PBX1: variants seen among roughly 807,000 people sequenced by gnomAD.
PBX1 encodes PBX homeobox 1, also known as pre-B-cell leukemia transcription factor 1.
In PBX1, 6 loss-of-function variants were observed where a neutral mutation model predicts 53.4. The ratio of observed to expected loss-of-function variants is 0.11; its 90% CI spans 0.06 to 0.22. The LOEUF is 0.22. PBX1 is among the 10% of genes least tolerant of loss of function. The pLI, the probability that PBX1 is intolerant of heterozygous loss-of-function variation, is 1.00. For synonymous variants in PBX1, 204 were observed against 212.3 expected (o/e 0.96, Z 0.34); for missense variants, 251 against 551.4 (o/e 0.46, Z 5.46).
Position 164,742,476 on chromosome 1 carries a change from AG to A in PBX1, c.266-50016del, listed in dbSNP as rs568803680. Among the ~76,000 whole-genome samples, 8 of 152,336 alleles carry A rather than the reference AG, an allele frequency of 5.3e-5. No individual in the cohort carries two copies. The East Asian group carries it at 1.5e-3, about 29-fold the overall frequency. On this transcript the variant is annotated intron_variant, in intron 2 of 8. Coordinates refer to ENST00000420696, the MANE Select transcript of PBX1 (RefSeq NM_002585.4). ...AGAATTGCTTGAACCTGGGAGGCAAAGGTTGCAGTGAGCCAAAATCATGCCA... is the reference window on the plus strand; with the variant it reads ...AGAATTGCTTGAACCTGGGAGGCAAAGTTGCAGTGAGCCAAAATCATGCCA...
chr1:164,750,960 A>C (rs180978469), intron 2 of PBX1, among the ~76,000 whole-genome samples: 67 of 152,270 alleles, frequency 4.4e-4, no homozygotes, highest in African/African-American at 1.6e-3. Context: ...AATAGGGTCT[A>C]GGGATCCCCA....
rs540387397 is a variant in PBX1 at position 164,747,785 on chromosome 1, G to C, written c.266-44709G>C. Among the ~76,000 whole-genome samples, 4 of 152,224 alleles carry C rather than the reference G, an allele frequency of 2.6e-5. No homozygotes were observed. In the East Asian group the frequency reaches 7.7e-4, roughly 29 times the overall value. ...GAGATACTATGATACCAAGGTAGTG[G>C]CTATCTATGCATTCACAGAGGAATT... On this transcript the variant is annotated intron_variant, in intron 2 of 8. Coordinates refer to ENST00000420696, the MANE Select transcript of PBX1 (RefSeq NM_002585.4).
intron 2 of PBX1, among the ~76,000 whole-genome samples, chr1:164,650,625 T>C (rs2101920851): frequency 6.6e-6 from 1 of 152,280 alleles, no homozygotes; most frequent in Non-Finnish European, 1.5e-5. Flanking sequence ...TCCCTAAAAC[T>C]TTCCTTGCCA....
rs369210659 is a variant in PBX1 at position 164,746,891 on chromosome 1, A to G, written c.266-45603A>G. Among the ~76,000 whole-genome samples, 11 of 152,054 alleles carry G rather than the reference A, an allele frequency of 7.2e-5. No homozygotes were observed. The South Asian group carries it at 1.2e-3, about 17-fold the overall frequency. On this transcript the variant is annotated intron_variant, in intron 2 of 8. Coordinates refer to ENST00000420696, the MANE Select transcript of PBX1 (RefSeq NM_002585.4). ...GGCAGAAGAGCTATTACAAGATCCT[A>G]CTCTTCTGATGTAGGGCCATTTGGG...
intron 2 of PBX1, among the ~76,000 whole-genome samples, chr1:164,607,166 A>G (rs1656614773): frequency 6.6e-6 from 1 of 152,144 alleles, no homozygotes. Context: ...CTATTGAAAA[A>G]TCAGAGGACA....
intron 2 of PBX1, among the ~76,000 whole-genome samples, chr1:164,616,167 T>A (rs955794118): frequency 3.3e-5 from 5 of 152,096 alleles, no homozygotes; most frequent in Non-Finnish European, 7.4e-5. Flanking sequence ...TTTCAAATGG[T>A]GGTTCTTCAT....
chr1:164,780,768 T>C (rs1032127493), intron 2 of PBX1, among the ~76,000 whole-genome samples: 2 of 152,172 alleles, frequency 1.3e-5, no homozygotes, highest in Non-Finnish European at 2.9e-5. Context: ...CTAGTGAAGA[T>C]TAAAGGCATA....
In PBX1 at chr1:164,652,845, C is replaced by T. The variant is rs183780353; in HGVS notation, c.265+89534C>T. Among the ~76,000 whole-genome samples the T allele has an allele frequency of 1.9e-4, 29 of 151,722 alleles. 1 individual carries two copies. The highest frequency in any genetic ancestry group is 3.4e-3 in the Middle Eastern group (1 of 294). On this transcript the variant is annotated intron_variant, in intron 2 of 8. Coordinates refer to ENST00000420696, the MANE Select transcript of PBX1 (RefSeq NM_002585.4). ...CTTCTCTTACCACCCGCACCCCCAC[C>T]GCCATAGTTTATTTTTGCCTGTTTA...
intron 2 of PBX1, among the ~76,000 whole-genome samples, chr1:164,882,712 T>C (rs1436321440): frequency 2.0e-5 from 3 of 152,156 alleles, no homozygotes; most frequent in Non-Finnish European, 4.4e-5. Context: ...AATACTGGGA[T>C]TACAGGCATG....
At chr1:164,765,993 G>A (rs915232606) in intron 2 of PBX1, among the ~76,000 whole-genome samples, 12 of 152,146 alleles carry the variant, frequency 7.9e-5, no homozygotes, top group South Asian at 4.1e-4. Context: ...GCCGTTGGGG[G>A]AAAAAAGAAG....
At chr1:164,662,977 A>G (rs1247757739) in intron 2 of PBX1, among the ~76,000 whole-genome samples, 1 of 152,190 alleles carries the variant, frequency 6.6e-6, no homozygotes, top group Non-Finnish European at 1.5e-5. Flanking sequence ...CTAAAATACA[A>G]ATGTTTTGAT....
At chr1:164,756,180 A>T (rs948650587) in intron 2 of PBX1, among the ~76,000 whole-genome samples, 13 of 152,062 alleles carry the variant, frequency 8.5e-5, no homozygotes, top group Admixed American at 2.6e-4. Flanking sequence ...GTAAGCCATC[A>T]TTGTCATATT....
chr1:164,569,594 A>G (rs1192071130), intron 2 of PBX1, among the ~76,000 whole-genome samples: 1 of 53,646 alleles, frequency 1.9e-5, no homozygotes. Context: ...TTTTTTTGTC[A>G]AGAGTCTCAC....
chr1:164,707,418 T>TGTGTGTGTGAGAGAGAGA (rs58617739), intron 2 of PBX1, among the ~76,000 whole-genome samples: 18 of 118,266 alleles, frequency 1.5e-4, no homozygotes, highest in African/African-American at 6.9e-4. Context: ...TGTGTGTGTG[T>TGTGTGTGTGAGAGAGAGA]GAGAGAGAGA....
At chr1:164,670,093 ATGAGGAGT>A (rs80201348) in intron 2 of PBX1, among the ~76,000 whole-genome samples, 17,404 of 152,126 alleles carry the variant, frequency 0.11, 2,138 homozygotes, top group African/African-American at 0.31. Context: ...GGCAGAGTCC[ATGAGGAGT>A]GGGACTCTGC....
At chr1:164,564,583 A>G (rs1157296569) in intron 2 of PBX1, among the ~76,000 whole-genome samples, 1 of 152,132 alleles carries the variant, frequency 6.6e-6, no homozygotes, top group Non-Finnish European at 1.5e-5. Context: ...GTTGTGCATA[A>G]CATTCTAGAC....
intron 2 of PBX1, among the ~76,000 whole-genome samples, chr1:164,664,172 G>A (rs1208450200): frequency 6.6e-6 from 1 of 152,208 alleles, no homozygotes; most frequent in East Asian, 1.9e-4. Context: ...TCATGGAGTT[G>A]AGAAAGTCTG....
chr1:164,667,735 A>G (rs958866473), intron 2 of PBX1, among the ~76,000 whole-genome samples: 2 of 152,218 alleles, frequency 1.3e-5, no homozygotes, highest in African/African-American at 2.4e-5. Context: ...ATACTTGTGC[A>G]GGAGTGAGCC....
At chr1:164,770,710 T>C (rs1336497468) in intron 2 of PBX1, 2 of 152,214 alleles carry the variant, frequency 1.3e-5, no homozygotes, top group Non-Finnish European at 2.9e-5. Context: ...TGAAGCCAAG[T>C]CCCAGCACTG....
Sources: gnomAD v4.1 joint callset for allele counts (sites outside exome capture counted in the v4.1 genomes callset) on GRCh38, gnomAD v4.1.1 for gene constraint, MANE v1.5 for transcripts, NCBI Gene and HGNC (gene_info 2026-07-23, HGNC 2026-07-21) for gene names.